The following HMGB1 variants were observed in gnomAD, a reference collection of about 807,000 sequenced individuals.
HMGB1 encodes the protein high mobility group box 1.
For missense variants in HMGB1, 79 were observed against 253.5 expected, an observed-to-expected ratio of 0.31 and a Z score of 4.67; for synonymous variants, 81 against 84.0, an observed-to-expected ratio of 0.96 and a Z score of 0.19.
At chr13:30,571,558 T>G (rs1457541202) in intron 1 of HMGB1, among the ~76,000 whole-genome samples, 1 of 152,188 alleles carries the variant, frequency 6.6e-6, no homozygotes, top group African/African-American at 2.4e-5. Flanking sequence ...CCTCCCAAAG[T>G]GCTGGGATTA....
At chr13:30,502,573 T>C (rs1415223451) in intron 1 of HMGB1, among the ~76,000 whole-genome samples, 1 of 152,250 alleles carries the variant, frequency 6.6e-6, no homozygotes, top group Non-Finnish European at 1.5e-5. Context: ...GCGTAACATG[T>C]ACAGTCACAT....
intron 1 of HMGB1, among the ~76,000 whole-genome samples, chr13:30,574,897 T>C (rs770669146): frequency 7.9e-5 from 12 of 152,326 alleles, no homozygotes; most frequent in African/African-American, 1.4e-4. Context: ...GGAATCTAGC[T>C]TGGTTTATTT....
intron 1 of HMGB1, among the ~76,000 whole-genome samples, chr13:30,609,187 C>G (rs547906460): frequency 1.3e-5 from 2 of 152,146 alleles, no homozygotes; most frequent in African/African-American, 4.8e-5. Context: ...GGCGTGAACC[C>G]GGAAGGCGGA....
At chr13:30,583,201 C>A (rs145288627) in intron 1 of HMGB1, among the ~76,000 whole-genome samples, 1 of 151,960 alleles carries the variant, frequency 6.6e-6, no homozygotes, top group African/African-American at 2.4e-5. Flanking sequence ...TCTAATAATG[C>A]CCCTTCCTTG....
At chr13:30,462,098 G>C (rs939326232) in intron 4 of HMGB1, among the ~76,000 whole-genome samples, 1 of 152,136 alleles carries the variant, frequency 6.6e-6, no homozygotes, top group Non-Finnish European at 1.5e-5. Context: ...ACTGGACAGA[G>C]CAGCAGACTT....
chr13:30,588,405 G>A (rs777462777), intron 1 of HMGB1, among the ~76,000 whole-genome samples: 49 of 152,100 alleles, frequency 3.2e-4, no homozygotes, highest in Non-Finnish European at 6.2e-4. Context: ...GGGGAAAGGA[G>A]TTCCTGATCG....
intron 1 of HMGB1, chr13:30,465,194 GC>G (rs1565995797): frequency 1.4e-6 from 1 of 734,386 alleles, no homozygotes; most frequent in Non-Finnish European, 1.6e-6. Context: ...CCGCCGCCCG[GC>G]CGCCGCCGCC....
At chr13:30,593,010 T>C (rs942573878) in intron 1 of HMGB1, among the ~76,000 whole-genome samples, 12 of 152,356 alleles carry the variant, frequency 7.9e-5, no homozygotes, top group African/African-American at 2.9e-4. Context: ...CCCATCTTTA[T>C]GTCCATATGT....
intron 1 of HMGB1, among the ~76,000 whole-genome samples, chr13:30,499,789 T>C (rs1887693943): frequency 6.6e-6 from 1 of 152,214 alleles, no homozygotes; most frequent in South Asian, 2.1e-4. Flanking sequence ...TGACTTTGTT[T>C]GAAGAATTAA....
At chr13:30,530,313 T>C (rs2137485233) in intron 1 of HMGB1, among the ~76,000 whole-genome samples, 1 of 152,320 alleles carries the variant, frequency 6.6e-6, no homozygotes, top group Middle Eastern at 3.4e-3. Context: ...CGATATCTCA[T>C]TATGTATATG....
At chr13:30,538,523 C>CTTT (rs1555238779) in intron 1 of HMGB1, among the ~76,000 whole-genome samples, 7 of 85,254 alleles carry the variant, frequency 8.2e-5, no homozygotes, top group African/African-American at 4.5e-4. Flanking sequence ...TTCTTTCTTT[C>CTTT]CTTTCTTTCT....
upstream of HMGB1, among the ~76,000 whole-genome samples, chr13:30,468,550 G>T (rs945270852): frequency 6.6e-6 from 1 of 152,046 alleles, no homozygotes; most frequent in Non-Finnish European, 1.5e-5. Context: ...CACTGCACCC[G>T]GCCTTGTTTT....
chr13:30,463,699 A>G lies in HMGB1; in HGVS notation c.-14-5T>C. On this transcript the variant is annotated splice_polypyrimidine_tract_variant and splice_region_variant and intron_variant, in intron 1 of 4. Transcript: ENST00000341423. ...TGCCCATGTTTAGTTATTTTTCTAA[A>G]AAATAAAATAAATATTTGATGTTAG... 6.6e-7 allele frequency: 1 copy of G among 1,508,638 alleles called. No homozygotes were observed. The highest frequency in any genetic ancestry group is 8.9e-7 in the Non-Finnish European group (1 of 1,118,672). The allele number at this position is 1,508,638 out of a possible 1,614,324, so 93.5% of individuals were successfully genotyped here.
At chr13:30,480,172 C>A (rs1263684148) in intron 1 of HMGB1, among the ~76,000 whole-genome samples, 3 of 152,200 alleles carry the variant, frequency 2.0e-5, no homozygotes, top group Non-Finnish European at 4.4e-5. Flanking sequence ...CTACATATAA[C>A]CAGAAATCAT....
chr13:30,485,237 G>A (rs1887338854), intron 1 of HMGB1, among the ~76,000 whole-genome samples: 1 of 152,028 alleles, frequency 6.6e-6, no homozygotes, highest in Non-Finnish European at 1.5e-5. Flanking sequence ...CACCATGTTG[G>A]TCAGGCTGGT....
At chr13:30,498,705 T>C (rs1887668030) in intron 1 of HMGB1, among the ~76,000 whole-genome samples, 1 of 150,998 alleles carries the variant, frequency 6.6e-6, no homozygotes, top group Non-Finnish European at 1.5e-5. Flanking sequence ...TGGAGTGCAG[T>C]GGCATGACCT....
At chr13:30,569,231 G>C (rs1219988304) in intron 1 of HMGB1, among the ~76,000 whole-genome samples, 1 of 152,176 alleles carries the variant, frequency 6.6e-6, no homozygotes, top group Non-Finnish European at 1.5e-5. Context: ...TCTGCATTAA[G>C]CAACACAGGC....
At chr13:30,596,509 C>G (rs529931236) in intron 1 of HMGB1, among the ~76,000 whole-genome samples, 1 of 152,128 alleles carries the variant, frequency 6.6e-6, no homozygotes, top group Non-Finnish European at 1.5e-5. Flanking sequence ...GAACAACTCA[C>G]GAGAATTAAG....
chr13:30,523,582 T>C (rs1462854387), intron 1 of HMGB1, among the ~76,000 whole-genome samples: 1 of 152,108 alleles, frequency 6.6e-6, no homozygotes, highest in Non-Finnish European at 1.5e-5. Flanking sequence ...AACAAAATGA[T>C]ATTAGGATAG....
Sources: gnomAD v4.1 joint callset for allele counts (sites outside exome capture counted in the v4.1 genomes callset) on GRCh38, gnomAD v4.1.1 for gene constraint, MANE v1.5 for transcripts, NCBI Gene and HGNC (gene_info 2026-07-23, HGNC 2026-07-21) for gene names.